Variants in FER observed in about 807,000 individuals in gnomAD.
FER encodes tyrosine-protein kinase Fer.
Under a neutral mutation model 111.0 loss-of-function variants are expected in FER, and 63 were observed. The observed-to-expected ratio is 0.57, with a 90% CI of 0.46 to 0.70. The LOEUF (loss-of-function observed/expected upper bound fraction) is 0.70. Ranked by LOEUF, FER falls within the 30% of genes least tolerant of loss-of-function variation. FER has a pLI of 0.00. For synonymous variants in FER, 327 were observed against 313.9 expected (o/e 1.04, Z -0.44); for missense variants, 914 against 954.0 (o/e 0.96, Z 0.55).
chr5:108,833,891 G>A (rs2150135108), intron 4 of FER, among the ~76,000 whole-genome samples: 1 of 151,238 alleles, frequency 6.6e-6, no homozygotes, highest in South Asian at 2.1e-4. Flanking sequence ...AAAAAAAAAT[G>A]TAACTACAAT....
At chr5:109,077,879 A>C (rs1776529134) in intron 16 of FER, among the ~76,000 whole-genome samples, 1 of 152,232 alleles carries the variant, frequency 6.6e-6, no homozygotes, top group East Asian at 1.9e-4. Context: ...TTTTGTAATC[A>C]TAAATAATTT....
chr5:108,897,689 A>G lies in FER; in HGVS notation c.1077A>G (p.Ala359=). The G allele has an allele frequency of 6.2e-7, 1 of 1,603,018 alleles. No individual in the cohort carries two copies. The highest frequency in any genetic ancestry group is 8.5e-7 in the Non-Finnish European group (1 of 1,176,278). The change falls in exon 10 of 20, where the codon GCA becomes GCG. Residue 359 remains alanine, a synonymous_variant. Coordinates refer to ENST00000281092, the MANE Select transcript of FER (RefSeq NM_005246.4). The part of the protein sequence containing the change: ...DIVLLLSQKQ[A]LEELKQSVQQ... ...TGCTTCTGCTAAGCCAAAAACAGGCACTTGAAGAACTGAAACAGTCAGTCC... is the reference window on the plus strand; with the variant it reads ...TGCTTCTGCTAAGCCAAAAACAGGCGCTTGAAGAACTGAAACAGTCAGTCC...
At chr5:108,886,282 T>C in intron 9 of FER, among the ~76,000 whole-genome samples, 1 of 151,576 alleles carries the variant, frequency 6.6e-6, no homozygotes, top group East Asian at 1.9e-4. Flanking sequence ...TGTTTATATT[T>C]ATCAGGATAT....
intron 10 of FER, among the ~76,000 whole-genome samples, chr5:108,933,455 ATG>A (rs148931381): frequency 0.055 from 8,327 of 151,852 alleles, 291 homozygotes; most frequent in South Asian, 0.11. Context: ...TGGTCTATAT[ATG>A]TGTTTTGGTA....
rs367564090 is a variant in FER, at chr5:108,909,750, C to T, written c.1236+11902C>T. Reference sequence around the variant, plus strand: ...GACAGACTAATAGAGAAGAATACTTCGGTGAAGTAAACTCCAATGTATATG... The same window carrying T: ...GACAGACTAATAGAGAAGAATACTTTGGTGAAGTAAACTCCAATGTATATG... On this transcript the variant is annotated intron_variant, in intron 10 of 19. Coordinates refer to ENST00000281092, the MANE Select transcript of FER (RefSeq NM_005246.4). Among the ~76,000 whole-genome samples the T allele has an allele frequency of 5.9e-5, 9 of 151,312 alleles. No individual in the cohort carries two copies. The South Asian group carries it at 6.2e-4, about 10-fold the overall frequency.
chr5:108,997,406 G>C (rs1471393886), intron 13 of FER, among the ~76,000 whole-genome samples: 1 of 129,852 alleles, frequency 7.7e-6, no homozygotes, highest in Non-Finnish European at 1.6e-5. Flanking sequence ...GGTGGAGCGA[G>C]ACCCTGTCTC....
intron 13 of FER, chr5:109,015,007 C>G (rs1561775396): frequency 2.0e-5 from 3 of 152,034 alleles, no homozygotes. Flanking sequence ...TTCTAAATGT[C>G]TCTGTAGGTG....
At chr5:108,917,005 A>G (rs941936139) in intron 10 of FER, among the ~76,000 whole-genome samples, 1 of 152,152 alleles carries the variant, frequency 6.6e-6, no homozygotes, top group East Asian at 1.9e-4. Flanking sequence ...AGTATTCTGT[A>G]TCATCTTTCA....
At chr5:109,044,579 T>A in intron 14 of FER, 101 bp from the exon 15 acceptor site, 1 of 588,502 alleles carries the variant, frequency 1.7e-6, no homozygotes, top group Non-Finnish European at 3.0e-6. Flanking sequence ...GATATTGACA[T>A]GTAGGTAAGC....
chr5:108,825,360 C>T (rs1044397956), intron 3 of FER, among the ~76,000 whole-genome samples: 3 of 152,126 alleles, frequency 2.0e-5, no homozygotes, highest in African/African-American at 7.2e-5. Context: ...TTCTGGGGGA[C>T]GTTCCATGCT....
At chr5:109,016,794 C>T (rs920262460) in intron 13 of FER, among the ~76,000 whole-genome samples, 2 of 151,992 alleles carry the variant, frequency 1.3e-5, no homozygotes, top group African/African-American at 4.8e-5. Flanking sequence ...TTAAGTTCCT[C>T]TCAGATTCAT....
intron 17 of FER, among the ~76,000 whole-genome samples, chr5:109,118,085 C>A (rs1335295891): frequency 6.6e-6 from 1 of 152,032 alleles, no homozygotes; most frequent in Non-Finnish European, 1.5e-5. Flanking sequence ...GTGTCTTGTG[C>A]CAATTTTCAA....
At chr5:108,860,646 A>G (rs1448698038) in intron 5 of FER, among the ~76,000 whole-genome samples, 2 of 152,240 alleles carry the variant, frequency 1.3e-5, no homozygotes, top group South Asian at 2.1e-4. Context: ...ATAAGTTAAG[A>G]TGAATTCCTG....
At chr5:109,167,081 T>A (rs1756630728) in intron 17 of FER, among the ~76,000 whole-genome samples, 2 of 152,202 alleles carry the variant, frequency 1.3e-5, no homozygotes, top group African/African-American at 4.8e-5. Context: ...TGGGTTTGCA[T>A]AACTATCTCT....
At chr5:108,861,772 T>C (rs1763546739) in intron 5 of FER, among the ~76,000 whole-genome samples, 1 of 152,208 alleles carries the variant, frequency 6.6e-6, no homozygotes. Context: ...ATAATTTTGT[T>C]AAGTAAAAGG....
chr5:108,836,511 T>C (rs542948785), intron 5 of FER, among the ~76,000 whole-genome samples: 1 of 152,256 alleles, frequency 6.6e-6, no homozygotes, highest in South Asian at 2.1e-4. Context: ...TTTTTCTTTA[T>C]GAAAGTTGGA....
chr5:108,999,157 C>G (rs564184464), intron 13 of FER, among the ~76,000 whole-genome samples: 1 of 152,044 alleles, frequency 6.6e-6, no homozygotes, highest in Non-Finnish European at 1.5e-5. Flanking sequence ...TTAGTGTTAT[C>G]TATAATACTT....
In FER at chr5:109,187,704, G is replaced by T; in HGVS notation, c.*129G>T. 8.4e-7 allele frequency: 1 copy of T among 1,197,358 alleles called. No homozygotes were observed. Among genetic ancestry groups the T allele is most frequent in the Non-Finnish European group, 1.2e-6 (1 of 864,806 alleles). The allele number at this position is 1,197,358 out of a possible 1,614,324, so 74.2% of individuals were successfully genotyped here. A position where few individuals can be genotyped will look rare whatever the true frequency, so the allele number is the denominator to read the frequency against. On this transcript the variant is annotated 3_prime_UTR_variant, in exon 20 of 20. Transcript: ENST00000281092. ...CTTCTACCATTATTTTTTATTAACT[G>T]GGTGTTTTAAAAGTACGTTCCACTT...
chr5:108,910,708 C>G (rs1751428594), intron 10 of FER, among the ~76,000 whole-genome samples: 1 of 151,780 alleles, frequency 6.6e-6, no homozygotes, highest in Non-Finnish European at 1.5e-5. Flanking sequence ...TTATTTAGCC[C>G]CTGCTTATAA....
Sources: gnomAD v4.1 joint callset for allele counts (sites outside exome capture counted in the v4.1 genomes callset) on GRCh38, gnomAD v4.1.1 for gene constraint, MANE v1.5 for transcripts, NCBI Gene and HGNC (gene_info 2026-07-23, HGNC 2026-07-21) for gene names.